KDM4B: variants seen among roughly 807,000 people sequenced by gnomAD.
The protein encoded by KDM4B is lysine-specific demethylase 4B.
KDM4B carries 32 observed loss-of-function variants against 125.2 expected under a neutral mutation model. The observed-to-expected ratio is 0.26, with a 90% CI of 0.19 to 0.34. KDM4B has a LOEUF of 0.34. Ranked by LOEUF, KDM4B falls within the 10% of genes least tolerant of loss-of-function variation. The pLI is 1.00. For missense variants in KDM4B, 1,190 were observed against 1,577.7 expected (o/e 0.75, Z 4.16); for synonymous variants, 721 against 677.9 (o/e 1.06, Z -0.99).
Position 5,114,665 on chromosome 19 carries a change from C to T in KDM4B, c.1115+3847C>T, listed in dbSNP as rs1438962793. ...CTTGGGGGTGGGGAGCACTGGGCCACTTTGGGTCGGGGGTGGGCGGCTCTG... is the reference window on the plus strand; with the variant it reads ...CTTGGGGGTGGGGAGCACTGGGCCATTTTGGGTCGGGGGTGGGCGGCTCTG... On this transcript the variant is annotated intron_variant, in intron 10 of 22. Coordinates refer to ENST00000159111, the MANE Select transcript of KDM4B (RefSeq NM_015015.3). This position sits in a 1 kb window ranked among gnomAD's most constrained non-coding sequence, Gnocchi z 5.8. Among the ~76,000 whole-genome samples the T allele has an allele frequency of 6.6e-6, 1 of 151,700 alleles. No individual in the cohort carries two copies. The highest frequency in any genetic ancestry group is 2.4e-5 in the African/African-American group (1 of 41,244).
Position 5,039,298 on chromosome 19 carries a change from TA to T in KDM4B, c.142-531del, listed in dbSNP as rs889729769. Among the ~76,000 whole-genome samples the T allele has an allele frequency of 9.9e-5, 15 of 152,002 alleles. 2 individuals are homozygous for T. Among genetic ancestry groups the T allele is most frequent in the Admixed American group, 3.9e-4 (6 of 15,280 alleles). On this transcript the variant is annotated intron_variant, in intron 3 of 22. Transcript: ENST00000159111. ...ATCTCTAGAGAAAATTAAAATTTTTTAAAAAAATTAGCTGGGCATGGTGGTG... is the reference window on the plus strand; with the variant it reads ...ATCTCTAGAGAAAATTAAAATTTTTTAAAAAATTAGCTGGGCATGGTGGTG...
At chr19:5,130,830 A>T (rs2039528877) in intron 11 of KDM4B, among the ~76,000 whole-genome samples, 1 of 152,248 alleles carries the variant, frequency 6.6e-6, no homozygotes, top group African/African-American at 2.4e-5. Context: ...AGGCCTTGGC[A>T]GGCAAGTGCC....
Position 5,068,622 on chromosome 19 carries a change from TC to T in KDM4B, c.627-2387del, listed in dbSNP as rs2037850821. Among the ~76,000 whole-genome samples, 3 of 152,352 alleles carry T rather than the reference TC, an allele frequency of 2.0e-5. No homozygotes were observed. In the South Asian group the frequency reaches 6.2e-4, roughly 32 times the overall value. On this transcript the variant is annotated intron_variant, in intron 6 of 22. Transcript: ENST00000159111. ...AGGCAGGTCTGCCAGCATCAGGTCT[TC>T]TGGTCCCCGAGGCCGTCGCTGGGTT...
At position 5,114,718 on chromosome 19, in the gene KDM4B, G is replaced by A. The variant is rs1450562987; in HGVS notation, c.1115+3900G>A. 1.3e-5 allele frequency among the ~76,000 whole-genome samples: 2 copies of A among 152,224 alleles called. No homozygotes were observed. Among genetic ancestry groups the A allele is most frequent in the East Asian group, 3.9e-4 (2 of 5,190 alleles). On this transcript the variant is annotated intron_variant, in intron 10 of 22. Coordinates refer to ENST00000159111, the MANE Select transcript of KDM4B (RefSeq NM_015015.3). This position sits in a 1 kb window ranked among gnomAD's most constrained non-coding sequence, Gnocchi z 5.8. ...GGCTCAGCCTGGGGCCAGCCTCCCA[G>A]TCCTCCCCACCTTGTGAGAAGCCCT...
intron 22 of KDM4B, 72 bp from the exon 23 acceptor site, chr19:5,151,263 G>A (rs2039941985): frequency 2.3e-6 from 3 of 1,290,186 alleles, no homozygotes; most frequent in Non-Finnish European, 1.0e-6. Context: ...CCTCTCAGAG[G>A]CCATAGACAG....
At chr19:4,969,834 T>C (rs1200859187) in intron 1 of KDM4B, among the ~76,000 whole-genome samples, 1 of 150,114 alleles carries the variant, frequency 6.7e-6, no homozygotes, top group Non-Finnish European at 1.5e-5. Context: ...GCTTCCAAAC[T>C]TGCCCCCCTG....
At chr19:5,034,602 C>T (rs141482444) in intron 3 of KDM4B, among the ~76,000 whole-genome samples, 34 of 152,294 alleles carry the variant, frequency 2.2e-4, no homozygotes, top group African/African-American at 7.7e-4. Context: ...TGATTCGGCC[C>T]GAGGGCCGCA....
intron 6 of KDM4B, among the ~76,000 whole-genome samples, chr19:5,065,467 C>G (rs1396438495): frequency 6.6e-6 from 1 of 152,196 alleles, no homozygotes; most frequent in African/African-American, 2.4e-5. Context: ...CTGTTTCACA[C>G]TTTATTTGTT....
At chr19:5,007,834 T>G (rs2035609714) in intron 1 of KDM4B, among the ~76,000 whole-genome samples, 1 of 152,224 alleles carries the variant, frequency 6.6e-6, no homozygotes, top group African/African-American at 2.4e-5. Flanking sequence ...ATTATAGACA[T>G]GAGCTGCCAT....
rs556110606 is a variant in KDM4B at position 5,088,206 on chromosome 19, G to A, written c.918+5702G>A. On this transcript the variant is annotated intron_variant, in intron 9 of 22. Transcript: ENST00000159111. ...CCCAAGGGCCCATCGTTTTCAGGGT[G>A]ACCGTCCACACCTGCAGGGGCAGGG... 2.0e-5 allele frequency among the ~76,000 whole-genome samples: 3 copies of A among 152,352 alleles called. No individual in the cohort carries two copies. In the South Asian group the frequency reaches 6.2e-4, roughly 32 times the overall value.
chr19:5,110,774 C>T lies in KDM4B; in HGVS notation c.1071C>T (p.Ser357=). The change falls in exon 10 of 23, where the codon TCC becomes TCT. Residue 357 remains serine (S), a synonymous_variant. Coordinates refer to ENST00000159111, the MANE Select transcript of KDM4B (RefSeq NM_015015.3). The stretch of plus-strand genomic sequence containing the variant: ...CGCTCACCAGCCCCGAGCTGAGCTC[C>T]TGGAGTGCATCCCGGGCCTCGCTGA... The part of the protein sequence containing the change: ...PTALTSPELS[S]WSASRASLKA... 1 of 1,607,522 alleles carries T rather than the reference C, an allele frequency of 6.2e-7. No individual in the cohort carries two copies. Among genetic ancestry groups the T allele is most frequent in the East Asian group, 2.2e-5 (1 of 44,618 alleles).
intron 5 of KDM4B, among the ~76,000 whole-genome samples, chr19:5,041,476 C>G (rs776278608): frequency 5.3e-5 from 8 of 152,200 alleles, no homozygotes; most frequent in Non-Finnish European, 1.0e-4. Flanking sequence ...CAGCCCCCAC[C>G]CTGAGCTCAC....
chr19:5,082,245 C>T lies in KDM4B; in HGVS notation c.781-122C>T. On this transcript the variant is annotated intron_variant, in intron 8 of 22. Coordinates refer to ENST00000159111, the MANE Select transcript of KDM4B (RefSeq NM_015015.3). The surrounding 1 kb of genome is among the most constrained non-coding windows in gnomAD (Gnocchi z 5.4). ...CCTGGAGCCGCTGGATCACCTTTGACTTTGTGAAACCCCCTTGGCTCATAA... is the reference window on the plus strand; with the variant it reads ...CCTGGAGCCGCTGGATCACCTTTGATTTTGTGAAACCCCCTTGGCTCATAA... 1.7e-6 allele frequency: 2 copies of T among 1,211,290 alleles called. No homozygotes were observed. The highest frequency in any genetic ancestry group is 1.4e-5 in the South Asian group (1 of 69,564). 75.0% of individuals were successfully genotyped at this position (1,211,290 alleles called of 1,614,324 possible). A position where few individuals can be genotyped will look rare whatever the true frequency, so the allele number is the denominator to read the frequency against.
At chr19:4,996,284 C>T (rs188965760) in intron 1 of KDM4B, among the ~76,000 whole-genome samples, 5 of 152,286 alleles carry the variant, frequency 3.3e-5, no homozygotes, top group East Asian at 1.9e-4. Flanking sequence ...GCTACTGCAC[C>T]GAACTACTTT....
At chr19:5,117,889 G>C (rs2039288193) in intron 10 of KDM4B, among the ~76,000 whole-genome samples, 1 of 152,208 alleles carries the variant, frequency 6.6e-6, no homozygotes, top group African/African-American at 2.4e-5. Context: ...TGCAGACATC[G>C]GGGAGCACTG....
intron 1 of KDM4B, among the ~76,000 whole-genome samples, chr19:4,993,857 C>T (rs2035107655): frequency 6.6e-6 from 1 of 151,950 alleles, no homozygotes; most frequent in African/African-American, 2.4e-5. Flanking sequence ...AGTGATCCTC[C>T]CACCTTGGCC....
intron 11 of KDM4B, 141 bp downstream of exon 11, chr19:5,119,993 A>G: frequency 8.9e-7 from 1 of 1,118,906 alleles, no homozygotes; most frequent in Non-Finnish European, 1.2e-6. Flanking sequence ...AGGGTGGGGC[A>G]TTTCGTGAAA....
intron 6 of KDM4B, 171 bp from the exon 7 acceptor site, chr19:5,070,839 G>T: frequency 1.8e-6 from 1 of 556,582 alleles, no homozygotes; most frequent in Non-Finnish European, 3.1e-6. Flanking sequence ...TACGGATTCC[G>T]TCCTGAAAGC....
At chr19:5,030,315 C>T (rs553192959) in intron 2 of KDM4B, among the ~76,000 whole-genome samples, 7 of 152,312 alleles carry the variant, frequency 4.6e-5, no homozygotes, top group East Asian at 1.9e-4. Context: ...TCCCTTGGGC[C>T]GTCCAGCCCT....
Sources: gnomAD v4.1 joint callset for allele counts (sites outside exome capture counted in the v4.1 genomes callset) on GRCh38, gnomAD v4.1.1 for gene constraint, Gnocchi (gnomAD v3.1) non-coding constraint, MANE v1.5 for transcripts, NCBI Gene and HGNC (gene_info 2026-07-23, HGNC 2026-07-21) for gene names.